LHPP: variants seen among roughly 807,000 people sequenced by gnomAD.
LHPP encodes the protein phospholysine phosphohistidine inorganic pyrophosphate phosphatase.
LHPP carries 24 observed loss-of-function variants against 30.3 expected under a neutral mutation model. The ratio of observed to expected loss-of-function variants is 0.79; its 90% CI spans 0.57 to 1.11. The LOEUF is 1.11. LHPP is among the 50% of genes most tolerant of loss of function. LHPP has a pLI of 0.00. For missense variants in LHPP, 356 were observed against 367.2 expected, an observed-to-expected ratio of 0.97 and a Z score of 0.25; for synonymous variants, 150 against 157.1, an observed-to-expected ratio of 0.95 and a Z score of 0.34.
chr10:124,510,979 G>A lies in LHPP; in HGVS notation c.625-6201G>A, dbSNP rs1333688391. Among the ~76,000 whole-genome samples, 5 of 152,228 alleles carry A rather than the reference G, an allele frequency of 3.3e-5. No individual in the cohort carries two copies. The East Asian group carries it at 9.6e-4, about 29-fold the overall frequency. On this transcript the variant is annotated intron_variant, in intron 5 of 6. Transcript: ENST00000368842. The surrounding 1 kb of genome is among the most constrained non-coding windows in gnomAD (Gnocchi z 4.0). ...CCTTGTGCATGCAGCAGACACTGGT[G>A]CTGGTCCCATTCCCGGGAGCACGCG...
chr10:124,467,044 AG>A (rs926831855), intron 1 of LHPP, among the ~76,000 whole-genome samples: 1 of 151,828 alleles, frequency 6.6e-6, no homozygotes. Context: ...GAACTGCCTG[AG>A]CCCAGGAGTT....
intron 5 of LHPP, among the ~76,000 whole-genome samples, chr10:124,516,976 G>A (rs1028701951): frequency 6.6e-6 from 1 of 152,178 alleles, no homozygotes; most frequent in African/African-American, 2.4e-5. Flanking sequence ...ACTGTTCAAA[G>A]CTGTGGCCTA....
chr10:124,553,686 C>G (rs1370939622), intron 6 of LHPP, among the ~76,000 whole-genome samples: 1 of 152,142 alleles, frequency 6.6e-6, no homozygotes, highest in Non-Finnish European at 1.5e-5. Context: ...GTCTCGATCT[C>G]CTGACCTTGT....
At position 124,521,725 on chromosome 10, in the gene LHPP, G is replaced by A. The variant is rs149679135; in HGVS notation, c.716+4454G>A. On this transcript the variant is annotated intron_variant, in intron 6 of 6. Transcript: ENST00000368842. ...CTGGGGCAGCTGGCGGGTGGGGGCAGCGGTCAGTCCTGCCAGTCACTGGCA... is the reference window on the plus strand; with the variant it reads ...CTGGGGCAGCTGGCGGGTGGGGGCAACGGTCAGTCCTGCCAGTCACTGGCA... Among the ~76,000 whole-genome samples the A allele has an allele frequency of 5.6e-3, 847 of 152,342 alleles. 11 individuals carry two copies. The highest frequency in any genetic ancestry group is 0.019 in the African/African-American group (782 of 41,576).
Position 124,593,706 on chromosome 10 carries a change from G to A in LHPP, c.717-19558G>A, listed in dbSNP as rs946908118. 5.9e-5 allele frequency among the ~76,000 whole-genome samples: 9 copies of A among 152,258 alleles called. No individual in the cohort carries two copies. The highest frequency in any genetic ancestry group is 2.2e-4 in the African/African-American group (9 of 41,474). ...CGTCCCCAGTGGCGGTGGCTGAGGAGAGGGGTTGGGGCGAGGACCAGCTCT... is the reference window on the plus strand; with the variant it reads ...CGTCCCCAGTGGCGGTGGCTGAGGAAAGGGGTTGGGGCGAGGACCAGCTCT... On this transcript the variant is annotated intron_variant, in intron 6 of 6. Coordinates refer to ENST00000368842, the MANE Select transcript of LHPP (RefSeq NM_022126.4). This position sits in a 1 kb window ranked among gnomAD's most constrained non-coding sequence, Gnocchi z 4.9.
intron 6 of LHPP, among the ~76,000 whole-genome samples, chr10:124,568,735 T>C (rs936446555): frequency 3.9e-5 from 6 of 152,200 alleles, no homozygotes; most frequent in African/African-American, 1.4e-4. Context: ...AGGAGACTGT[T>C]GTCCCCAGGG....
chr10:124,568,466 C>T (rs146262845), intron 6 of LHPP, among the ~76,000 whole-genome samples: 143 of 152,330 alleles, frequency 9.4e-4, no homozygotes, highest in Admixed American at 3.8e-3. Flanking sequence ...TGAAACCGCG[C>T]GATGAGGCCC....
At chr10:124,587,531 G>A (rs1054892077) in intron 6 of LHPP, among the ~76,000 whole-genome samples, 5 of 151,206 alleles carry the variant, frequency 3.3e-5, no homozygotes, top group East Asian at 2.0e-4. Flanking sequence ...ACCTGAGGTC[G>A]AGAGTTTGAG....
Position 124,470,663 on chromosome 10 carries a change from C to CAACA in LHPP, c.125+8678_125+8681dup, listed in dbSNP as rs776749718. On this transcript the variant is annotated intron_variant, in intron 1 of 6. Transcript: ENST00000368842. ...GCAGCAATAGTAACAACAACAACAA[C>CAACA]AACAACAACAACAACAACAATAATA... 7.0e-3 allele frequency among the ~76,000 whole-genome samples: 1,041 copies of CAACA among 148,326 alleles called. 7 individuals are homozygous for CAACA. The highest frequency in any genetic ancestry group is 0.013 in the Admixed American group (194 of 14,754).
chr10:124,522,560 C>T lies in LHPP; in HGVS notation c.716+5289C>T, dbSNP rs1275186267. ...AGGTTTTACAGAAGCTGGACTGGAACCTGGCCGCCCCCAGTCCCCTGGGCG... is the reference window on the plus strand; with the variant it reads ...AGGTTTTACAGAAGCTGGACTGGAATCTGGCCGCCCCCAGTCCCCTGGGCG... On this transcript the variant is annotated intron_variant, in intron 6 of 6. Transcript: ENST00000368842. 2.6e-5 allele frequency among the ~76,000 whole-genome samples: 4 copies of T among 152,328 alleles called. No homozygotes were observed. The East Asian group carries it at 5.8e-4, about 22-fold the overall frequency.
chr10:124,598,673 G>A (rs1315698467), intron 6 of LHPP, among the ~76,000 whole-genome samples: 4 of 149,724 alleles, frequency 2.7e-5, no homozygotes, highest in Non-Finnish European at 5.9e-5. Flanking sequence ...CTATCCACCT[G>A]TCCACCCTGA....
intron 6 of LHPP, among the ~76,000 whole-genome samples, chr10:124,579,794 G>C (rs1948721053): frequency 6.6e-6 from 1 of 152,178 alleles, no homozygotes; most frequent in Non-Finnish European, 1.5e-5. Flanking sequence ...TGATGCAGAA[G>C]AGCTCGCTGG....
chr10:124,504,024 T>C (rs1292347105), intron 5 of LHPP, among the ~76,000 whole-genome samples: 1 of 151,892 alleles, frequency 6.6e-6, no homozygotes, highest in Admixed American at 6.6e-5. Flanking sequence ...AAACCCCATC[T>C]CTACTACAAA....
chr10:124,515,964 C>T (rs1312425887), intron 5 of LHPP, among the ~76,000 whole-genome samples: 1 of 152,222 alleles, frequency 6.6e-6, no homozygotes, highest in Non-Finnish European at 1.5e-5. Context: ...TCCATGCAGC[C>T]TTCTCCTCTC....
chr10:124,521,437 C>T (rs779845309), intron 6 of LHPP, among the ~76,000 whole-genome samples: 3 of 152,254 alleles, frequency 2.0e-5, no homozygotes, highest in Non-Finnish European at 4.4e-5. Flanking sequence ...TGAGGCATGT[C>T]GTCGCAACCC....
chr10:124,499,903 C>T (rs1953850733), intron 5 of LHPP, among the ~76,000 whole-genome samples: 1 of 151,982 alleles, frequency 6.6e-6, no homozygotes, highest in Admixed American at 6.5e-5. Flanking sequence ...TCAGAAGATG[C>T]AGGCTGTCTG....
chr10:124,520,023 C>T (rs547840784), intron 6 of LHPP, among the ~76,000 whole-genome samples: 16 of 152,062 alleles, frequency 1.1e-4, no homozygotes, highest in East Asian at 3.9e-4. Context: ...TTAGTAGAGA[C>T]GGCGTTTCAC....
chr10:124,534,981 C>T (rs547035313), intron 6 of LHPP, among the ~76,000 whole-genome samples: 5 of 152,210 alleles, frequency 3.3e-5, no homozygotes, highest in Non-Finnish European at 4.4e-5. Flanking sequence ...GGGTCCTCGG[C>T]GCCTATTGTT....
rs1191556589 is a variant in LHPP, at chr10:124,541,244, C to T, written c.716+23973C>T. The stretch of plus-strand genomic sequence containing the variant: ...CCCTGCACACTGTGCTTGGGGGACA[C>T]AGCCGACACGACCAGCCTGCAGTAC... On this transcript the variant is annotated intron_variant, in intron 6 of 6. Transcript: ENST00000368842. The surrounding 1 kb of genome is among the most constrained non-coding windows in gnomAD (Gnocchi z 4.2). Among the ~76,000 whole-genome samples, 1 of 152,198 alleles carries T rather than the reference C, an allele frequency of 6.6e-6. No individual in the cohort carries two copies. Among genetic ancestry groups the T allele is most frequent in the East Asian group, 1.9e-4 (1 of 5,194 alleles).
Sources: gnomAD v4.1 joint callset for allele counts (sites outside exome capture counted in the v4.1 genomes callset) on GRCh38, gnomAD v4.1.1 for gene constraint, Gnocchi (gnomAD v3.1) non-coding constraint, MANE v1.5 for transcripts, NCBI Gene and HGNC (gene_info 2026-07-23, HGNC 2026-07-21) for gene names.